SLC23A2: variants seen among roughly 807,000 people sequenced by gnomAD.
SLC23A2 encodes Na(+)/L-ascorbic acid transporter 2.
A neutral mutation model predicts 73.3 loss-of-function variants in SLC23A2; 36 were observed. That is an observed-to-expected ratio of 0.49 (90% confidence interval 0.38 to 0.65). SLC23A2 has a LOEUF of 0.65. Ranked by LOEUF, SLC23A2 falls within the 30% of genes least tolerant of loss-of-function variation. SLC23A2 has a pLI of 0.00. For synonymous variants in SLC23A2, 343 were observed against 327.3 expected, an observed-to-expected ratio of 1.05 and a Z score of -0.52; for missense variants, 507 against 841.6, an observed-to-expected ratio of 0.60 and a Z score of 4.92.
rs530496047 is a variant in SLC23A2, at chr20:4,967,744, G to A, written c.-155+3049C>T. On this transcript the variant is annotated intron_variant, in intron 2 of 16. Transcript: ENST00000338244. ...GAAAATTCTCTTCACTGCTCCAAGT[G>A]TTTGATCCAGTTTATAACTGAGTTC... Among the ~76,000 whole-genome samples the A allele has an allele frequency of 2.2e-3, 337 of 152,292 alleles. 4 individuals carry two copies. The highest frequency in any genetic ancestry group is 7.7e-3 in the African/African-American group (322 of 41,558).
intron 2 of SLC23A2, among the ~76,000 whole-genome samples, chr20:4,954,693 C>T (rs1191710296): frequency 5.9e-5 from 5 of 84,688 alleles, no homozygotes; most frequent in Non-Finnish European, 1.0e-4. Context: ...AGCAAGACTC[C>T]ATCACAAAAA....
chr20:4,905,113 CAAAAAA>C (rs56708379), intron 4 of SLC23A2, among the ~76,000 whole-genome samples: 1 of 96,784 alleles, frequency 1.0e-5, no homozygotes. Context: ...GATTCTGTCA[CAAAAAA>C]AAAAAAAAAA....
At chr20:4,952,883 C>T (rs1332466305) in intron 2 of SLC23A2, among the ~76,000 whole-genome samples, 1 of 151,778 alleles carries the variant, frequency 6.6e-6, no homozygotes, top group Non-Finnish European at 1.5e-5. Context: ...ATTAGCCAGG[C>T]GTGGTGGCAT....
chr20:4,885,776 G>T, intron 7 of SLC23A2, 45 bp downstream of exon 7: 1 of 1,355,608 alleles, frequency 7.4e-7, no homozygotes, highest in Non-Finnish European at 1.1e-6. Flanking sequence ...CTTTACACCT[G>T]CATTAAAGGA....
chr20:5,010,023 A>AGG (rs892589080), intron 1 of SLC23A2, among the ~76,000 whole-genome samples: 1 of 145,248 alleles, frequency 6.9e-6, no homozygotes, highest in Non-Finnish European at 1.5e-5. Context: ...TGAACCCGGG[A>AGG]GGCGGAGCTT....
intron 3 of SLC23A2, among the ~76,000 whole-genome samples, chr20:4,918,358 A>G (rs947282680): frequency 3.9e-5 from 6 of 152,196 alleles, no homozygotes; most frequent in African/African-American, 1.4e-4. Context: ...AACATTGTAC[A>G]ATCAATCAGC....
intron 6 of SLC23A2, among the ~76,000 whole-genome samples, chr20:4,893,644 T>A (rs1324391792): frequency 6.6e-6 from 1 of 152,144 alleles, no homozygotes; most frequent in Non-Finnish European, 1.5e-5. Context: ...AGGAACTCTC[T>A]CTCCTTAGGG....
chr20:4,866,905 A>G (rs72552204), intron 13 of SLC23A2, among the ~76,000 whole-genome samples: 10,803 of 151,848 alleles, frequency 0.071, 447 homozygotes, highest in Middle Eastern at 0.092. Context: ...ATGGTGAACC[A>G]ATTTTCATGG....
chr20:4,889,432 A>C (rs960742720), intron 6 of SLC23A2, among the ~76,000 whole-genome samples: 2 of 151,664 alleles, frequency 1.3e-5, no homozygotes, highest in African/African-American at 4.8e-5. Flanking sequence ...TGAGTGAAGG[A>C]CCTGCTCTGA....
intron 1 of SLC23A2, among the ~76,000 whole-genome samples, chr20:4,971,353 G>C (rs1470908204): frequency 6.6e-6 from 1 of 151,408 alleles, no homozygotes; most frequent in Admixed American, 6.6e-5. Flanking sequence ...AAGTGTGGTG[G>C]TGCACACCTG....
At chr20:4,865,629 T>C (rs1305957324) in intron 13 of SLC23A2, among the ~76,000 whole-genome samples, 2 of 152,206 alleles carry the variant, frequency 1.3e-5, no homozygotes, top group East Asian at 3.9e-4. Flanking sequence ...TGTTACACCA[T>C]CTTCCCCTAA....
At chr20:4,973,393 A>T (rs1475762496) in intron 1 of SLC23A2, among the ~76,000 whole-genome samples, 2 of 152,212 alleles carry the variant, frequency 1.3e-5, no homozygotes, top group Admixed American at 1.3e-4. Flanking sequence ...GGGAAGCGAA[A>T]GTACTATGAC....
intron 6 of SLC23A2, among the ~76,000 whole-genome samples, chr20:4,887,835 T>C (rs928278821): frequency 1.3e-5 from 2 of 152,234 alleles, no homozygotes; most frequent in African/African-American, 4.8e-5. Context: ...GTGTGGGCTC[T>C]GTCACTGGCT....
chr20:4,920,295 G>A (rs1163259957), intron 3 of SLC23A2, among the ~76,000 whole-genome samples: 2 of 152,106 alleles, frequency 1.3e-5, no homozygotes, highest in African/African-American at 4.8e-5. Flanking sequence ...CCTACTAATC[G>A]GGACAAGAGC....
rs917327935 is a variant in SLC23A2, at chr20:4,902,325, A to G, written c.324+117T>C. ...AGCCCCTACTCATCACTCTTAAAAGAGGAATTTATAAAAGTCTTCAATAAA... is the reference window on the plus strand; with the variant it reads ...AGCCCCTACTCATCACTCTTAAAAGGGGAATTTATAAAAGTCTTCAATAAA... On this transcript the variant is annotated intron_variant, in intron 5 of 16. Transcript: ENST00000338244. The surrounding 1 kb of genome is among the most constrained non-coding windows in gnomAD (Gnocchi z 4.0). The G allele has an allele frequency of 6.2e-6, 4 of 640,690 alleles. No individual in the cohort carries two copies. Among genetic ancestry groups the G allele is most frequent in the Middle Eastern group, 2.7e-4 (1 of 3,698 alleles). 39.7% of individuals were successfully genotyped at this position (640,690 alleles called of 1,614,324 possible).
In SLC23A2 at chr20:4,947,327, G is replaced by A. The variant is rs2087133660; in HGVS notation, c.-154-14611C>T. 6.6e-6 allele frequency among the ~76,000 whole-genome samples: 1 copy of A among 152,196 alleles called. No individual in the cohort carries two copies. The highest frequency in any genetic ancestry group is 2.4e-5 in the African/African-American group (1 of 41,436). Reference sequence around the variant, plus strand: ...GTATAGCAAAAAGTGCAGCCTGCATGACAAAATTAAAATCTGAATGTACAT... The same window carrying A: ...GTATAGCAAAAAGTGCAGCCTGCATAACAAAATTAAAATCTGAATGTACAT... On this transcript the variant is annotated intron_variant, in intron 2 of 16. Coordinates refer to ENST00000338244, the MANE Select transcript of SLC23A2 (RefSeq NM_005116.6). The surrounding 1 kb of genome is among the most constrained non-coding windows in gnomAD (Gnocchi z 4.4).
Position 4,883,217 on chromosome 20 carries a change from T to C in SLC23A2, c.824+425A>G, listed in dbSNP as rs1600097489. Among the ~76,000 whole-genome samples the C allele has an allele frequency of 6.6e-6, 1 of 152,116 alleles. No individual in the cohort carries two copies. The highest frequency in any genetic ancestry group is 2.4e-5 in the African/African-American group (1 of 41,412). On this transcript the variant is annotated intron_variant, in intron 9 of 16. Transcript: ENST00000338244. This position sits in a 1 kb window ranked among gnomAD's most constrained non-coding sequence, Gnocchi z 4.5. ...CTGGGGAGAAGAGTCACATCATCAATGGCAACAGACCTTTCCCACGACTTC... is the reference window on the plus strand; with the variant it reads ...CTGGGGAGAAGAGTCACATCATCAACGGCAACAGACCTTTCCCACGACTTC...
Position 4,883,665 on chromosome 20 carries a change from C to T in SLC23A2, c.801G>A (p.Gly267=). ...ACAGCATGGCAATGCCCCAGTGCTTCCCGGCTCTCTCCCCCGCTGCCTGGA... is the reference window on the plus strand; with the variant it reads ...ACAGCATGGCAATGCCCCAGTGCTTTCCGGCTCTCTCCCCCGCTGCCTGGA... The part of the protein sequence containing the change: ...SGFQAAGERA[G]KHWGIAMLTI... The change falls in exon 9 of 17, where the codon GGG becomes GGA. Residue 267 remains glycine (G), a synonymous_variant. Transcript: ENST00000338244. The surrounding 1 kb of genome is among the most constrained non-coding windows in gnomAD (Gnocchi z 4.5). The T allele has an allele frequency of 2.5e-6, 4 of 1,612,786 alleles. No homozygotes were observed. Among genetic ancestry groups the T allele is most frequent in the Non-Finnish European group, 3.4e-6 (4 of 1,179,302 alleles).
chr20:4,969,602 T>C (rs182325803), intron 2 of SLC23A2, among the ~76,000 whole-genome samples: 1,623 of 149,166 alleles, frequency 0.011, 36 homozygotes, highest in African/African-American at 0.039. Context: ...TTTTTTTTCT[T>C]GAGGCAGGGT....
Sources: allele counts gnomAD v4.1 joint callset (sites outside exome capture counted in the v4.1 genomes callset), GRCh38; gene constraint gnomAD v4.1.1; non-coding constraint Gnocchi (gnomAD v3.1); transcripts MANE v1.5; gene names NCBI Gene and HGNC (gene_info 2026-07-23, HGNC 2026-07-21).